The following LUZP2 variants were observed in gnomAD, a reference collection of about 807,000 sequenced individuals.
LUZP2 encodes the protein leucine zipper protein 2.
A neutral mutation model predicts 51.6 loss-of-function variants in LUZP2; 52 were observed. That is an observed-to-expected ratio of 1.01 (90% CI 0.81 to 1.27). The LOEUF (loss-of-function observed/expected upper bound fraction) is 1.27. Ranked by LOEUF, LUZP2 falls within the 50% of genes most tolerant of loss-of-function variation. LUZP2 has a pLI of 0.00. For synonymous variants in LUZP2, 154 were observed against 137.3 expected (o/e 1.12, Z -0.85); for missense variants, 436 against 395.4 (o/e 1.10, Z -0.87).
chr11:24,750,320 G>T (rs1250004426), intron 4 of LUZP2, among the ~76,000 whole-genome samples: 3 of 152,060 alleles, frequency 2.0e-5, no homozygotes, highest in Admixed American at 6.6e-5. Context: ...TTTGTATATG[G>T]TGCAGTAACA....
At chr11:24,681,020 GCCGGA>G in intron 1 of LUZP2, among the ~76,000 whole-genome samples, 1 of 148,288 alleles carries the variant, frequency 6.7e-6, no homozygotes, top group Non-Finnish European at 1.5e-5. Context: ...TGTCGCCCAG[GCCGGA>G]CTGCGGACTG....
chr11:24,891,768 T>C, intron 5 of LUZP2: 2 of 939,778 alleles, frequency 2.1e-6, no homozygotes, highest in Non-Finnish European at 1.3e-6. Flanking sequence ...CTTTTTGGAG[T>C]CTCCATAGAT....
intron 1 of LUZP2, among the ~76,000 whole-genome samples, chr11:24,686,905 G>C (rs1442743526): frequency 6.6e-6 from 1 of 151,992 alleles, no homozygotes; most frequent in African/African-American, 2.4e-5. Context: ...ATTTATATTT[G>C]AAACTTTCCA....
At chr11:24,550,839 C>T (rs138215863) in intron 1 of LUZP2, among the ~76,000 whole-genome samples, 196 of 151,964 alleles carry the variant, frequency 1.3e-3, no homozygotes, top group Middle Eastern at 3.4e-3. Context: ...TTTGGGAGGC[C>T]GAGGTGGGAG....
intron 1 of LUZP2, among the ~76,000 whole-genome samples, chr11:24,588,607 A>G (rs1177179250): frequency 6.9e-6 from 1 of 145,498 alleles, no homozygotes; most frequent in Non-Finnish European, 1.5e-5. Context: ...GCTTAGGCTC[A>G]TTTAGAAACA....
At chr11:24,788,180 A>ATTTTTTTTTTTTTT (rs61308017) in intron 5 of LUZP2, among the ~76,000 whole-genome samples, 2 of 83,396 alleles carry the variant, frequency 2.4e-5, no homozygotes, top group Non-Finnish European at 4.5e-5. Context: ...TTTGTTTTTA[A>ATTTTTTTTTTTTTT]TTTTTTTTTT....
At chr11:24,872,820 A>G (rs1453750059) in intron 5 of LUZP2, among the ~76,000 whole-genome samples, 1 of 152,194 alleles carries the variant, frequency 6.6e-6, no homozygotes, top group Non-Finnish European at 1.5e-5. Context: ...GTCAAGAAGC[A>G]TACATTACAG....
intron 9 of LUZP2, among the ~76,000 whole-genome samples, chr11:25,004,563 A>G (rs1049205988): frequency 2.0e-5 from 3 of 152,148 alleles, no homozygotes; most frequent in Non-Finnish European, 4.4e-5. Context: ...TAATAAACTT[A>G]TCTTTTAGAA....
intron 9 of LUZP2, among the ~76,000 whole-genome samples, chr11:25,033,149 G>A (rs975940728): frequency 6.6e-6 from 1 of 152,168 alleles, no homozygotes; most frequent in African/African-American, 2.4e-5. Context: ...GAATAGAGCA[G>A]TAACTAAGGA....
At chr11:25,013,803 GT>G (rs1472741702) in intron 9 of LUZP2, among the ~76,000 whole-genome samples, 1 of 151,746 alleles carries the variant, frequency 6.6e-6, no homozygotes, top group Non-Finnish European at 1.5e-5. Flanking sequence ...CATGGTGCAG[GT>G]TTGTTACATA....
intron 9 of LUZP2, among the ~76,000 whole-genome samples, chr11:25,038,100 A>G (rs1590863817): frequency 6.6e-6 from 1 of 152,008 alleles, no homozygotes; most frequent in African/African-American, 2.4e-5. Context: ...TATTAAACAT[A>G]TTGTCCAAGT....
chr11:24,994,673 C>T (rs377449966), intron 9 of LUZP2, among the ~76,000 whole-genome samples: 6 of 152,144 alleles, frequency 3.9e-5, no homozygotes, highest in Non-Finnish European at 8.8e-5. Flanking sequence ...AAATAAAGCT[C>T]AGATTTTAAA....
chr11:24,544,897 C>T (rs960623883), intron 1 of LUZP2, among the ~76,000 whole-genome samples: 11 of 152,066 alleles, frequency 7.2e-5, no homozygotes, highest in African/African-American at 2.7e-4. Context: ...AATTTGTACT[C>T]CCACTAACAG....
intron 7 of LUZP2, among the ~76,000 whole-genome samples, chr11:24,973,367 T>TTG (rs1855801282): frequency 3.8e-5 from 2 of 52,372 alleles, no homozygotes; most frequent in African/African-American, 1.7e-4. Context: ...TTTATTAGTT[T>TTG]TTTTTTTTTT....
chr11:24,665,958 C>T (rs895333896), intron 1 of LUZP2, among the ~76,000 whole-genome samples: 4 of 152,042 alleles, frequency 2.6e-5, no homozygotes, highest in Non-Finnish European at 5.9e-5. Flanking sequence ...ATGTAATTAT[C>T]ATTATACATA....
At chr11:24,866,369 T>C (rs957649284) in intron 5 of LUZP2, among the ~76,000 whole-genome samples, 1 of 152,120 alleles carries the variant, frequency 6.6e-6, no homozygotes, top group Non-Finnish European at 1.5e-5. Flanking sequence ...ACTGGACATA[T>C]TTCTTGTTGA....
intron 6 of LUZP2, among the ~76,000 whole-genome samples, chr11:24,910,382 T>A (rs1022913547): frequency 5.3e-5 from 8 of 152,164 alleles, no homozygotes; most frequent in African/African-American, 1.9e-4. Context: ...GAAACCTTCA[T>A]GGCAGCCCTT....
intron 9 of LUZP2, among the ~76,000 whole-genome samples, chr11:25,032,495 T>A (rs1223310773): frequency 6.6e-6 from 1 of 152,196 alleles, no homozygotes; most frequent in African/African-American, 2.4e-5. Flanking sequence ...TCTAATATTC[T>A]GATACTCCTT....
intron 1 of LUZP2, among the ~76,000 whole-genome samples, chr11:24,500,539 T>C (rs937186780): frequency 6.6e-6 from 1 of 152,136 alleles, no homozygotes; most frequent in Non-Finnish European, 1.5e-5. Context: ...TTGAAAGTAA[T>C]GGTAGGGTGA....
Sources: allele counts gnomAD v4.1 joint callset (sites outside exome capture counted in the v4.1 genomes callset), GRCh38; gene constraint gnomAD v4.1.1; transcripts MANE v1.5; gene names NCBI Gene and HGNC (gene_info 2026-07-23, HGNC 2026-07-21).